Variants in DHX8 observed in about 807,000 individuals in gnomAD.
DHX8 encodes the protein DEAH-box helicase 8.
Under a neutral mutation model 140.7 loss-of-function variants are expected in DHX8, and 67 were observed. The observed-to-expected ratio is 0.48, with a 90% CI of 0.39 to 0.58. DHX8 has a LOEUF of 0.58. DHX8 is among the 20% of genes least tolerant of loss of function. DHX8 has a pLI of 0.00. For missense variants in DHX8, 887 were observed against 1,550.7 expected (o/e 0.57, Z 7.19); for synonymous variants, 533 against 553.2 (o/e 0.96, Z 0.51).
rs1260759367 is a variant in DHX8 at position 43,492,046 on chromosome 17, T to A, written c.394-137T>A. On this transcript the variant is annotated intron_variant, in intron 4 of 22. Transcript: ENST00000262415. ...CTTTTTTCCATTTCTTCTGCATCTA[T>A]CCTGAATCAAGTTTGAAATCTCTGC... is the stretch of plus-strand genomic sequence containing the variant. 1.5e-5 allele frequency: 10 copies of A among 647,428 alleles called. No homozygotes were observed. In the Admixed American group the frequency reaches 2.6e-4, roughly 17 times the overall value. The allele number at this position is 647,428 out of a possible 1,614,324, so 40.1% of individuals were successfully genotyped here.
At chr17:43,509,484 A>ATTT (rs555156200) in intron 16 of DHX8, among the ~76,000 whole-genome samples, 2 of 135,610 alleles carry the variant, frequency 1.5e-5, no homozygotes, top group African/African-American at 2.7e-5. Flanking sequence ...CCTCCCACTT[A>ATTT]TTTTTTTTTT....
intron 11 of DHX8, among the ~76,000 whole-genome samples, chr17:43,503,977 C>CA (rs1283479722): frequency 6.6e-6 from 1 of 151,438 alleles, no homozygotes; most frequent in African/African-American, 2.4e-5. Context: ...TTTGGGAGGC[C>CA]AAGGAGAGAG....
chr17:43,511,188 G>C (rs1969804256), intron 16 of DHX8, among the ~76,000 whole-genome samples: 1 of 152,202 alleles, frequency 6.6e-6, no homozygotes, highest in African/African-American at 2.4e-5. Context: ...AAATTAGCCA[G>C]GCGTGGTGGC....
At chr17:43,508,729 C>G (rs558949803) in intron 16 of DHX8, among the ~76,000 whole-genome samples, 1 of 151,968 alleles carries the variant, frequency 6.6e-6, no homozygotes, top group African/African-American at 2.4e-5. Context: ...ACGCCATTCT[C>G]CTGCCTCAGC....
chr17:43,496,660 G>T (rs1446769281), intron 9 of DHX8, among the ~76,000 whole-genome samples: 1 of 151,984 alleles, frequency 6.6e-6, no homozygotes, highest in African/African-American at 2.4e-5. Flanking sequence ...CATGCCTATC[G>T]TCCCAGCTAC....
rs560310742 is a variant in DHX8, at chr17:43,498,866, G to A, written c.1305G>A (p.Glu435=). 16 of 1,593,638 alleles carry A rather than the reference G, an allele frequency of 1.0e-5. No homozygotes were observed. The South Asian group carries it at 1.8e-4, about 18-fold the overall frequency. The change falls in exon 10 of 23, where the codon GAG becomes GAA. Residue 435 remains glutamate (E), a synonymous_variant. Coordinates refer to ENST00000262415, the MANE Select transcript of DHX8 (RefSeq NM_004941.3). ...TTCTTTTGGGGGGACTTTTAGATGA[G>A]GACCTTGAGATTGAATTGGTTGAGG... is the stretch of plus-strand genomic sequence containing the variant. ...ILPKVDDEED[E]DLEIELVEEE... is the part of the protein sequence containing the mutation.
At position 43,504,034 on chromosome 17, in the gene DHX8, G is replaced by A. The variant is rs140091273; in HGVS notation, c.1547-610G>A. Among the ~76,000 whole-genome samples the A allele has an allele frequency of 1.6e-3, 237 of 151,410 alleles. 2 individuals are homozygous for A. Among genetic ancestry groups the A allele is most frequent in the African/African-American group, 5.1e-3 (212 of 41,230 alleles). On this transcript the variant is annotated intron_variant, in intron 11 of 22. Transcript: ENST00000262415. ...TGAGGCTGCAGTGAGCCGTGATTGCGTCACTGCACTCCAGCCTGGGAAACA... is the reference window on the plus strand; with the variant it reads ...TGAGGCTGCAGTGAGCCGTGATTGCATCACTGCACTCCAGCCTGGGAAACA...
downstream of DHX8, chr17:43,526,415 C>T: frequency 6.5e-7 from 1 of 1,527,892 alleles, no homozygotes; most frequent in Non-Finnish European, 8.8e-7. Flanking sequence ...TGTGTGAGCT[C>T]CGCAGCTGGG....
chr17:43,495,731 C>T lies in DHX8; in HGVS notation c.1213-450C>T, dbSNP rs373200473. On this transcript the variant is annotated intron_variant, in intron 8 of 22. Transcript: ENST00000262415. ...TGGAATGGGATATATGACATTTGAG[C>T]TCCCGATATCGTGGGTCAGAGGAGA... Among the ~76,000 whole-genome samples the T allele has an allele frequency of 4.3e-4, 66 of 152,242 alleles. No individual in the cohort carries two copies. The South Asian group carries it at 0.012, about 28-fold the overall frequency.
Position 43,525,354 on chromosome 17 carries a change from G to A in DHX8, c.*1507G>A, listed in dbSNP as rs1244539196. 1 of 983,492 alleles carries A rather than the reference G, an allele frequency of 1.0e-6. No individual in the cohort carries two copies. The highest frequency in any genetic ancestry group is 1.2e-6 in the Non-Finnish European group (1 of 828,292). The allele number at this position is 983,492 out of a possible 1,614,324, so 60.9% of individuals were successfully genotyped here. ...TCCAGGATATAAAGGAATGTATGTT[G>A]TCACTGGGCAGCAAACCACACCCTA... On this transcript the variant is annotated 3_prime_UTR_variant, in exon 23 of 23. Transcript: ENST00000262415.
Position 43,524,216 on chromosome 17 carries a change from G to A in DHX8, c.*369G>A. 9.0e-7 allele frequency: 1 copy of A among 1,116,792 alleles called. No individual in the cohort carries two copies. The highest frequency in any genetic ancestry group is 1.1e-6 in the Non-Finnish European group (1 of 908,100). The allele number at this position is 1,116,792 out of a possible 1,614,324, so 69.2% of individuals were successfully genotyped here. On this transcript the variant is annotated 3_prime_UTR_variant, in exon 23 of 23. Coordinates refer to ENST00000262415, the MANE Select transcript of DHX8 (RefSeq NM_004941.3). The stretch of plus-strand genomic sequence containing the variant: ...TGCCCTGATGCCCCAGCTAGCAGGA[G>A]CTACTGTGCTCATCTAAAGTGTTTG...
intron 3 of DHX8, 82 bp downstream of exon 3, chr17:43,490,545 C>G (rs1334607850): frequency 2.6e-6 from 3 of 1,175,550 alleles, no homozygotes; most frequent in Non-Finnish European, 3.7e-6. Context: ...GTTTTCCTCT[C>G]AGCAGTTGCT....
downstream of DHX8, among the ~76,000 whole-genome samples, chr17:43,527,473 C>A (rs1338578735): frequency 6.6e-6 from 1 of 152,216 alleles, no homozygotes; most frequent in African/African-American, 2.4e-5. Context: ...AAGACCAAAA[C>A]CCTGTCTGAG....
chr17:43,522,974 A>T (rs1970454782), intron 22 of DHX8, among the ~76,000 whole-genome samples: 1 of 150,982 alleles, frequency 6.6e-6, no homozygotes, highest in African/African-American at 2.4e-5. Context: ...GAGACATGAG[A>T]ATAGCTTGAA....
intron 16 of DHX8, among the ~76,000 whole-genome samples, chr17:43,510,300 G>A (rs975100302): frequency 2.0e-5 from 3 of 151,994 alleles, no homozygotes; most frequent in East Asian, 1.9e-4. Context: ...TGCCCCCCTC[G>A]GCCTCCCAAA....
rs759478519 is a variant in DHX8 at position 43,490,428 on chromosome 17, C to G, written c.272C>G (p.Thr91Ser). 1 of 1,613,860 alleles carries G rather than the reference C, an allele frequency of 6.2e-7. No individual in the cohort carries two copies. Among genetic ancestry groups the G allele is most frequent in the Non-Finnish European group, 8.5e-7 (1 of 1,179,958 alleles). ...LISNLLRLIQ[T>S]MRPPAKPSTS... ...AGTAACTTGCTGCGTCTCATACAAA[C>G]CATGCGGCCTCCAGCGAAGCCTTCC... Residue 91 changes from threonine (T) to serine (S), a missense_variant, in exon 3 of 23, where the codon ACC (threonine) becomes AGC (serine). Thr to Ser is a moderately conservative substitution (Grantham distance 58, BLOSUM62 1). Around this residue, in one of 9 missense-constraint regions of DHX8, gnomAD observed 304 missense variants for 306.9 expected, o/e 0.99. Transcript: ENST00000262415.
chr17:43,486,889 A>G (rs1279041227), intron 1 of DHX8, among the ~76,000 whole-genome samples: 1 of 151,598 alleles, frequency 6.6e-6, no homozygotes, highest in East Asian at 1.9e-4. Context: ...AAAAAAAAAA[A>G]AAAAGATTAC....
At chr17:43,544,796 T>A (rs191655507), downstream of DHX8, 1 of 598,188 alleles carries the variant, frequency 1.7e-6, no homozygotes, top group Non-Finnish European at 3.0e-6. Context: ...TCAATATAAG[T>A]GTCCACGCTG....
chr17:43,492,956 A>G lies in DHX8; in HGVS notation c.779A>G (p.Glu260Gly). ...RDKHVDRPPP[E>G]EPTIGDIYNG... Reference sequence around the variant, plus strand: ...AAGCATGTGGACCGCCCTCCTCCAGAAGAGCCCACCATTGGTGACATTTAT... The same window carrying G: ...AAGCATGTGGACCGCCCTCCTCCAGGAGAGCCCACCATTGGTGACATTTAT... The change falls in exon 6 of 23, where the codon GAA (glutamate) becomes GGA (glycine). Residue 260 changes from glutamate to glycine, a missense_variant. Transcript: ENST00000262415. The G allele has an allele frequency of 6.2e-7, 1 of 1,614,206 alleles. No individual in the cohort carries two copies. The highest frequency in any genetic ancestry group is 8.5e-7 in the Non-Finnish European group (1 of 1,180,040).
Sources: allele counts gnomAD v4.1 joint callset (sites outside exome capture counted in the v4.1 genomes callset), GRCh38; gene constraint gnomAD v4.1.1; regional missense constraint gnomAD v4.1.1; transcripts MANE v1.5; gene names NCBI Gene and HGNC (gene_info 2026-07-23, HGNC 2026-07-21).